The following TRRAP variants were observed in gnomAD, a reference collection of about 807,000 sequenced individuals.
The protein encoded by TRRAP is transformation/transcription domain associated protein, also known as transformation/transcription domain-associated protein.
TRRAP carries 41 observed loss-of-function variants against 438.8 expected under a neutral mutation model. That is an observed-to-expected ratio of 0.09 (90% CI 0.07 to 0.12). The LOEUF is 0.12. Among genes scored for constraint, TRRAP ranks in the 10% least tolerant of loss-of-function variants. TRRAP has a pLI of 1.00. For missense variants in TRRAP, 3,122 were observed against 5,055.1 expected (o/e 0.62, Z 11.60); for synonymous variants, 1,994 against 1,962.9 (o/e 1.02, Z -0.42).
chr7:98,915,873 C>T lies in TRRAP; in HGVS notation c.2350C>T (p.Pro784Ser). Reference protein sequence around the residue: ...LLYQEFLPLLPNLLQGLNMLQ... With the variant: ...LLYQEFLPLLSNLLQGLNMLQ... ...GTATCAGGAGTTCTTGCCTCTCCTT[C>T]CAAACCTCCTGCAAGGTCAGAGCAG... Residue 784 changes from proline (P) to serine (S), a missense_variant, in exon 19 of 73, where the codon CCA becomes TCA. By Grantham distance (74) the Pro-to-Ser change is moderately conservative. Coordinates refer to ENST00000456197, the MANE Select transcript of TRRAP (RefSeq NM_001375524.1). 4 of 1,614,194 alleles carry T rather than the reference C, an allele frequency of 2.5e-6. No individual in the cohort carries two copies. The highest frequency in any genetic ancestry group is 3.4e-6 in the Non-Finnish European group (4 of 1,180,018).
At chr7:98,904,088 G>GT (rs1266344433) in intron 12 of TRRAP, among the ~76,000 whole-genome samples, 5 of 152,058 alleles carry the variant, frequency 3.3e-5, no homozygotes, top group Admixed American at 3.3e-4. Flanking sequence ...GGGACTACTG[G>GT]TGTGAGCCAC....
chr7:98,923,824 A>G (rs1218075547), intron 21 of TRRAP, among the ~76,000 whole-genome samples: 1 of 152,178 alleles, frequency 6.6e-6, no homozygotes, highest in Non-Finnish European at 1.5e-5. Flanking sequence ...AAGATTAGTT[A>G]TTTGATTTAT....
At position 98,976,277 on chromosome 7, in the gene TRRAP, A is replaced by AT. The variant is rs764137801; in HGVS notation, c.7959+10dup. On this transcript the variant is annotated intron_variant, in intron 54 of 72. Coordinates refer to ENST00000456197, the MANE Select transcript of TRRAP (RefSeq NM_001375524.1). The surrounding 1 kb of genome is among the most constrained non-coding windows in gnomAD (Gnocchi z 4.6). ...CTGACAGACAGCAGCATGTGAGTGT[A>AT]TCTTTAAAATCCTGTTTTGGAAAAT... 6.2e-7 allele frequency: 1 copy of AT among 1,613,474 alleles called. No individual in the cohort carries two copies. The highest frequency in any genetic ancestry group is 1.3e-5 in the African/African-American group (1 of 75,036).
At chr7:98,986,167 CAT>C (rs1011056661) in intron 62 of TRRAP, among the ~76,000 whole-genome samples, 1 of 141,776 alleles carries the variant, frequency 7.1e-6, no homozygotes, top group Non-Finnish European at 1.5e-5. Flanking sequence ...GATATCCATA[CAT>C]TTTGTTTATC....
At position 98,992,001 on chromosome 7, in the gene TRRAP, C is replaced by T. The variant is rs914298833; in HGVS notation, c.9757-136C>T. 5.6e-6 allele frequency: 5 copies of T among 884,992 alleles called. No homozygotes were observed. The African/African-American group carries it at 8.2e-5, about 15-fold the overall frequency. 54.8% of individuals were successfully genotyped at this position (884,992 alleles called of 1,614,324 possible). A position where few individuals can be genotyped will look rare whatever the true frequency, so the allele number is the denominator to read the frequency against. Reference sequence around the variant, plus strand: ...GGCCTTGTGCGTCAGATCAGTGCTGCAGTATTTGCTTCCTTGGTCCAAAGG... The same window carrying T: ...GGCCTTGTGCGTCAGATCAGTGCTGTAGTATTTGCTTCCTTGGTCCAAAGG... On this transcript the variant is annotated intron_variant, in intron 64 of 72. Coordinates refer to ENST00000456197, the MANE Select transcript of TRRAP (RefSeq NM_001375524.1).
chr7:98,899,347 G>A, intron 8 of TRRAP, 75 bp from the exon 9 acceptor site: 1 of 1,215,830 alleles, frequency 8.2e-7, no homozygotes, highest in African/African-American at 1.5e-5. Flanking sequence ...AGTGGGTGAT[G>A]CTCAGTGGGC....
intron 52 of TRRAP, 31 bp downstream of exon 52, chr7:98,970,322 C>A: frequency 6.2e-7 from 1 of 1,604,214 alleles, no homozygotes; most frequent in South Asian, 1.1e-5. Flanking sequence ...GGCAGAATCC[C>A]AGAGAGGAGG....
At chr7:98,930,305 A>T (rs1036849180) in intron 24 of TRRAP, 99 bp downstream of exon 24, 27 of 1,412,518 alleles carry the variant, frequency 1.9e-5, no homozygotes, top group Non-Finnish European at 2.3e-5. Flanking sequence ...GGCCAGACGC[A>T]GTGGCTCACG....
At chr7:98,955,987 C>G (rs1462095821) in intron 41 of TRRAP, among the ~76,000 whole-genome samples, 159 bp from the exon 42 acceptor site, 1 of 152,122 alleles carries the variant, frequency 6.6e-6, no homozygotes, top group African/African-American at 2.4e-5. Context: ...TTTCCTCGCT[C>G]AGGTTAGGAT....
intron 67 of TRRAP, chr7:98,999,657 G>A (rs1447327476): frequency 1.1e-6 from 1 of 930,936 alleles, no homozygotes; most frequent in Non-Finnish European, 1.7e-6. Flanking sequence ...CACTAAGTGT[G>A]AATGAAGGTG....
chr7:98,964,049 C>T (rs2116677685), intron 47 of TRRAP, among the ~76,000 whole-genome samples: 1 of 150,312 alleles, frequency 6.7e-6, no homozygotes, highest in South Asian at 2.1e-4. Flanking sequence ...CCACTGCACT[C>T]CAGCCTGGGT....
chr7:98,999,614 G>T, intron 67 of TRRAP: 3 of 805,952 alleles, frequency 3.7e-6, no homozygotes, highest in Non-Finnish European at 6.5e-6. Context: ...TGCTTGCATA[G>T]AGCAGAGAGC....
chr7:98,973,832 C>T (rs1792531271), intron 53 of TRRAP, among the ~76,000 whole-genome samples: 2 of 152,218 alleles, frequency 1.3e-5, no homozygotes. Context: ...TGGTGTGCCG[C>T]CCACTTGCTG....
chr7:99,002,441 T>A (rs984960700), intron 67 of TRRAP, among the ~76,000 whole-genome samples: 35 of 152,208 alleles, frequency 2.3e-4, no homozygotes, highest in African/African-American at 8.4e-4. Flanking sequence ...ATATTTTGTT[T>A]GCATCCTGTT....
chr7:98,971,816 C>T lies in TRRAP; in HGVS notation c.7710C>T (p.Ile2570=), dbSNP rs770372005. The T allele has an allele frequency of 1.1e-5, 17 of 1,613,816 alleles. No homozygotes were observed. Among genetic ancestry groups the T allele is most frequent in the Admixed American group, 8.3e-5 (5 of 59,928 alleles). ...TTTCTTAGGATGTAGAGATAGACAT[C>T]GAACTAGCTCCTGGGGATCAGACCA... ...ESKEEDVEID[I]ELAPGDQTST... The change falls in exon 53 of 73, where the codon ATC becomes ATT. Residue 2570 remains isoleucine (I), a synonymous_variant. Transcript: ENST00000456197.
Position 98,943,001 on chromosome 7 carries a change from A to G in TRRAP, c.4457A>G (p.Gln1486Arg), listed in dbSNP as rs2116574057. 6.2e-7 allele frequency: 1 copy of G among 1,614,192 alleles called. No individual in the cohort carries two copies. Among genetic ancestry groups the G allele is most frequent in the Non-Finnish European group, 8.5e-7 (1 of 1,180,024 alleles). The change falls in exon 31 of 73, where the codon CAG (glutamine) becomes CGG (arginine). Residue 1486 changes from glutamine to arginine, a missense_variant. By Grantham distance (43) the Gln-to-Arg change is conservative (BLOSUM62 1). Around this residue, in one of 24 missense-constraint regions of TRRAP, gnomAD observed 108 missense variants for 256.9 expected, o/e 0.42. Coordinates refer to ENST00000456197, the MANE Select transcript of TRRAP (RefSeq NM_001375524.1). ...EVVVITHKGG[Q>R]RSDGNESISE... ...GTGGTGATCACCCACAAAGGGGGCC[A>G]GAGGAGCGACGGAAACGTGAGTGAC... is the stretch of plus-strand genomic sequence containing the variant.
In TRRAP at chr7:98,921,818, T is replaced by C. The variant is rs145556254; in HGVS notation, c.2688T>C (p.Gly896=). The C allele has an allele frequency of 1.7e-4, 277 of 1,614,166 alleles. 3 individuals carry two copies. The East Asian group carries it at 6.1e-3, about 35-fold the overall frequency. Residue 896 remains glycine, a synonymous_variant, in exon 21 of 73, where the codon GGT becomes GGC. Transcript: ENST00000456197. ...CCCACGTGGCCTACCGTGTGCTCGG[T>C]AAGTTTGGCGGCAGTAACAGGAAGA... is the stretch of plus-strand genomic sequence containing the variant. The part of the protein sequence containing the change: ...SISHVAYRVL[G]KFGGSNRKML...
intron 3 of TRRAP, among the ~76,000 whole-genome samples, chr7:98,883,133 C>T (rs1795538391): frequency 6.6e-6 from 1 of 152,240 alleles, no homozygotes; most frequent in African/African-American, 2.4e-5. Flanking sequence ...TGTATATTGT[C>T]CTGCATGTCC....
chr7:99,004,997 A>C, intron 68 of TRRAP, 134 bp from the exon 69 acceptor site: 1 of 827,932 alleles, frequency 1.2e-6, no homozygotes, highest in Non-Finnish European at 1.9e-6. Context: ...GCAGGGTACA[A>C]ATAAATTGAT....
Sources: allele counts gnomAD v4.1 joint callset (sites outside exome capture counted in the v4.1 genomes callset), GRCh38; gene constraint gnomAD v4.1.1; regional missense constraint gnomAD v4.1.1; non-coding constraint Gnocchi (gnomAD v3.1); transcripts MANE v1.5; gene names NCBI Gene and HGNC (gene_info 2026-07-23, HGNC 2026-07-21).